The following FRMPD1 variants were observed in gnomAD, a reference collection of about 807,000 sequenced individuals.
FRMPD1 encodes the protein FERM and PDZ domain containing 1.
A neutral mutation model predicts 117.8 loss-of-function variants in FRMPD1; 76 were observed. The observed-to-expected ratio is 0.65, with a 90% CI of 0.54 to 0.78. FRMPD1 has a LOEUF of 0.78. FRMPD1 is among the 30% of genes least tolerant of loss of function. The probability of loss-of-function intolerance (pLI) is 0.00; values close to 1 mark genes in which losing one functional copy is unlikely to be tolerated. For synonymous variants in FRMPD1, 783 were observed against 770.4 expected, an observed-to-expected ratio of 1.02 and a Z score of -0.27; for missense variants, 1,786 against 1,964.5, an observed-to-expected ratio of 0.91 and a Z score of 1.72.
the FRMPD1 span, among the ~76,000 whole-genome samples, chr9:37,622,675 T>C: frequency 2.0e-5 from 3 of 152,358 alleles, no homozygotes; most frequent in Admixed American, 6.5e-5. Flanking sequence ...ATCTCTGTTA[T>C]GATTCAGCCA....
At chr9:37,645,029 A>T in the FRMPD1 span, among the ~76,000 whole-genome samples, 3 of 151,546 alleles carry the variant, frequency 2.0e-5, no homozygotes, top group Non-Finnish European at 2.9e-5. Flanking sequence ...GTAGGGCCAC[A>T]CTTGATGCTG....
chr9:37,662,538 T>C (rs943758564), intron 1 of FRMPD1, among the ~76,000 whole-genome samples: 1 of 152,132 alleles, frequency 6.6e-6, no homozygotes, highest in Admixed American at 6.5e-5. Context: ...GGCTGAGGGA[T>C]CGGAACCAGA....
In FRMPD1 at chr9:37,746,073, G is replaced by A. The variant is rs145365903; in HGVS notation, c.4041G>A (p.Pro1347=). 3.5e-5 allele frequency: 56 copies of A among 1,614,094 alleles called. No homozygotes were observed. The highest frequency in any genetic ancestry group is 4.2e-5 in the Non-Finnish European group (49 of 1,180,032). The change falls in exon 16 of 16, where the codon CCG becomes CCA. Residue 1347 remains proline, a synonymous_variant. Coordinates refer to ENST00000377765, the MANE Select transcript of FRMPD1 (RefSeq NM_014907.3). The stretch of plus-strand genomic sequence containing the variant: ...CCTATGCCACATGCTTCCGTGGCCC[G>A]CAGCCTGAGACAGAGGAAGAAGACA... ...QFSYATCFRG[P]QPETEEEDRD...
At chr9:37,677,064 A>T (rs1278171813) in intron 1 of FRMPD1, among the ~76,000 whole-genome samples, 3 of 152,224 alleles carry the variant, frequency 2.0e-5, no homozygotes, top group Non-Finnish European at 4.4e-5. Flanking sequence ...GCAGACCTGT[A>T]AAGTAGAGTC....
At chr9:37,653,919 C>A (rs1820761572) in intron 1 of FRMPD1, among the ~76,000 whole-genome samples, 1 of 152,070 alleles carries the variant, frequency 6.6e-6, no homozygotes, top group African/African-American at 2.4e-5. Context: ...TATGATCAGG[C>A]CACTGCACTC....
chr9:37,692,625 T>C lies in FRMPD1; in HGVS notation c.-4-13T>C. On this transcript the variant is annotated splice_polypyrimidine_tract_variant and intron_variant, in intron 1 of 15. Transcript: ENST00000377765. ...TTTGGTTAGCATCTTAAGAACACTC[T>C]TCTTCCTTTTAGGTAAATGGAAGAG... 8 of 1,539,904 alleles carry C rather than the reference T, an allele frequency of 5.2e-6. No homozygotes were observed. Among genetic ancestry groups the C allele is most frequent in the Admixed American group, 1.7e-5 (1 of 59,958 alleles).
the FRMPD1 span, among the ~76,000 whole-genome samples, chr9:37,605,520 T>C: frequency 6.6e-6 from 1 of 152,152 alleles, no homozygotes. Flanking sequence ...CCACTGTCAA[T>C]ATAGAATTAG....
intron 14 of FRMPD1, among the ~76,000 whole-genome samples, chr9:37,739,135 GT>G (rs1824266681): frequency 6.6e-6 from 1 of 152,172 alleles, no homozygotes; most frequent in Non-Finnish European, 1.5e-5. Flanking sequence ...CCATCCTGTC[GT>G]GGGTACTAGA....
intron 2 of FRMPD1, among the ~76,000 whole-genome samples, chr9:37,696,988 C>T (rs1822343723): frequency 6.6e-6 from 1 of 152,050 alleles, no homozygotes; most frequent in South Asian, 2.1e-4. Context: ...TTTATACACA[C>T]AGAGTAATGT....
At chr9:37,645,879 C>A in the FRMPD1 span, among the ~76,000 whole-genome samples, 2 of 152,170 alleles carry the variant, frequency 1.3e-5, no homozygotes, top group Admixed American at 6.5e-5. Flanking sequence ...CTTTAGCTTC[C>A]TTAATCTCAA....
Position 37,746,481 on chromosome 9 carries a change from C to A in FRMPD1, c.4449C>A (p.Pro1483=). The change falls in exon 16 of 16, where the codon CCC becomes CCA. Residue 1483 remains proline (P), a synonymous_variant. Transcript: ENST00000377765. ...ATGTGATCAGAATGGACCAGTCCCC[C>A]GAAGAGATGCAGGGGGCCGTGCGTG... ...CRHVIRMDQS[P]EEMQGAVRDT... 2 of 1,613,710 alleles carry A rather than the reference C, an allele frequency of 1.2e-6. No homozygotes were observed. Among genetic ancestry groups the A allele is most frequent in the Non-Finnish European group, 8.5e-7 (1 of 1,180,032 alleles).
rs117499188 is a variant in FRMPD1, at chr9:37,674,020, A to G, written c.-4-18618A>G. ...GGGGATTAACATTAGGCTCCTTGCT[A>G]CTTATGCAGATTTCTGAAGCTGGCT... is the stretch of plus-strand genomic sequence containing the variant. On this transcript the variant is annotated intron_variant, in intron 1 of 15. Transcript: ENST00000377765. 2.5e-3 allele frequency among the ~76,000 whole-genome samples: 379 copies of G among 152,348 alleles called. 4 individuals carry two copies. The East Asian group carries it at 0.027, about 11-fold the overall frequency.
chr9:37,662,846 C>T (rs1259573439), intron 1 of FRMPD1, among the ~76,000 whole-genome samples: 1 of 152,144 alleles, frequency 6.6e-6, no homozygotes, highest in Non-Finnish European at 1.5e-5. Flanking sequence ...GGACATGCAG[C>T]TCAGTTTAAC....
Position 37,730,998 on chromosome 9 carries a change from G to A in FRMPD1, c.753G>A (p.Glu251=), listed in dbSNP as rs775706704. The change falls in exon 9 of 16, where the codon GAG becomes GAA. Residue 251 remains glutamate, a synonymous_variant. Coordinates refer to ENST00000377765, the MANE Select transcript of FRMPD1 (RefSeq NM_014907.3). ...EELIQQVVER[E]ESHDYRCLFR... is the part of the protein sequence containing the mutation. The stretch of plus-strand genomic sequence containing the variant: ...ACCCATCGCAGGTGGTAGAAAGGGA[G>A]GAGTCACATGACTACCGCTGCCTCT... The A allele has an allele frequency of 1.5e-5, 24 of 1,613,744 alleles. No individual in the cohort carries two copies. Among genetic ancestry groups the A allele is most frequent in the Non-Finnish European group, 1.9e-5 (23 of 1,179,826 alleles).
chr9:37,729,850 G>T lies in FRMPD1; in HGVS notation c.735G>T (p.Gln245His), dbSNP rs1823788617. Residue 245 changes from glutamine (Q) to histidine (H), a missense_variant, in exon 8 of 16, where the codon CAG becomes CAT. Coordinates refer to ENST00000377765, the MANE Select transcript of FRMPD1 (RefSeq NM_014907.3). ...LHLLHEEELI[Q>H]QVVEREESHD... ...TGCTGCACGAAGAGGAACTCATCCA[G>T]CAGGTAGGGAGGACTGACCGCCTGT... 1.9e-6 allele frequency: 3 copies of T among 1,613,296 alleles called. No individual in the cohort carries two copies. The highest frequency in any genetic ancestry group is 2.5e-6 in the Non-Finnish European group (3 of 1,179,750).
intron 15 of FRMPD1, among the ~76,000 whole-genome samples, chr9:37,742,559 T>C (rs1824472463): frequency 6.6e-6 from 1 of 152,156 alleles, no homozygotes; most frequent in Non-Finnish European, 1.5e-5. Flanking sequence ...CCTAGGGCAG[T>C]CAAATGTGAC....
At chr9:37,662,788 A>G (rs1821039516) in intron 1 of FRMPD1, among the ~76,000 whole-genome samples, 1 of 152,134 alleles carries the variant, frequency 6.6e-6, no homozygotes, top group Non-Finnish European at 1.5e-5. Context: ...GAAAAAAAAA[A>G]TATCCAAGTC....
At chr9:37,630,875 G>A in the FRMPD1 span, among the ~76,000 whole-genome samples, 4 of 152,170 alleles carry the variant, frequency 2.6e-5, no homozygotes, top group Admixed American at 2.6e-4. Flanking sequence ...GCTTCCTTTA[G>A]ATAACTTGAC....
At chr9:37,638,085 T>G in the FRMPD1 span, among the ~76,000 whole-genome samples, 1 of 151,120 alleles carries the variant, frequency 6.6e-6, no homozygotes, top group Non-Finnish European at 1.5e-5. Context: ...TTCTTTTCTT[T>G]TCTTTCGAGA....
Sources: allele counts gnomAD v4.1 joint callset (sites outside exome capture counted in the v4.1 genomes callset), GRCh38; gene constraint gnomAD v4.1.1; transcripts MANE v1.5; gene names NCBI Gene and HGNC (gene_info 2026-07-23, HGNC 2026-07-21).